CDC14B: variants seen among roughly 807,000 people sequenced by gnomAD.
CDC14B encodes dual specificity protein phosphatase CDC14B.
Under a neutral mutation model 64.2 loss-of-function variants are expected in CDC14B, and 22 were observed. That is an observed-to-expected ratio of 0.34 (90% CI 0.24 to 0.49). CDC14B has a LOEUF of 0.49. Among genes scored for constraint, CDC14B ranks in the 20% least tolerant of loss-of-function variants. CDC14B has a pLI of 0.99. For synonymous variants in CDC14B, 191 were observed against 215.8 expected (o/e 0.89, Z 1.01); for missense variants, 498 against 629.9 (o/e 0.79, Z 2.24).
At chr9:96,511,956 A>G (rs7856709) in intron 12 of CDC14B, among the ~76,000 whole-genome samples, 27,414 of 152,184 alleles carry the variant, frequency 0.18, 2,594 homozygotes, top group African/African-American at 0.23. Flanking sequence ...ACAAGTCTTT[A>G]TGCCCAAAAG....
chr9:96,499,123 A>C (rs1399776632), downstream of CDC14B, among the ~76,000 whole-genome samples: 2 of 152,340 alleles, frequency 1.3e-5, no homozygotes, highest in African/African-American at 4.8e-5. Context: ...AGGGGAAGCC[A>C]TGGAGGGGCA....
intron 4 of CDC14B, among the ~76,000 whole-genome samples, chr9:96,553,525 GTT>G: frequency 6.6e-6 from 1 of 151,680 alleles, no homozygotes; most frequent in Non-Finnish European, 1.5e-5. Context: ...CGCCTGGCTA[GTT>G]TTTTTGTATT....
intron 1 of CDC14B, among the ~76,000 whole-genome samples, chr9:96,569,493 T>G (rs979613926): frequency 6.6e-6 from 1 of 152,234 alleles, no homozygotes; most frequent in African/African-American, 2.4e-5. Context: ...GGGAAATCAC[T>G]GATTTCTGAT....
rs148450671 is a variant in CDC14B, at chr9:96,515,432, C to T, written c.1344-5643G>A. Among the ~76,000 whole-genome samples the T allele has an allele frequency of 7.9e-3, 1,207 of 152,288 alleles. 12 individuals are homozygous for T. Among genetic ancestry groups the T allele is most frequent in the South Asian group, 0.03 (143 of 4,826 alleles). On this transcript the variant is annotated intron_variant, in intron 12 of 13. Transcript: ENST00000375241. The surrounding 1 kb of genome is among the most constrained non-coding windows in gnomAD (Gnocchi z 4.3). ...AAGGATAAGCATAACTTTAAAACAA[C>T]GTATGTTACTTTCAATATCCTTTCT...
At chr9:96,583,094 G>A (rs985700750) in intron 1 of CDC14B, among the ~76,000 whole-genome samples, 1 of 152,002 alleles carries the variant, frequency 6.6e-6, no homozygotes, top group South Asian at 2.1e-4. Context: ...GCATACCTCT[G>A]GAAAATTTAT....
intron 1 of CDC14B, chr9:96,567,085 T>C: frequency 1.2e-6 from 1 of 865,970 alleles, no homozygotes. Flanking sequence ...TCCCCCCGCC[T>C]GGCCGCCCGC....
At chr9:96,598,618 A>C (rs1846238027) in intron 1 of CDC14B, among the ~76,000 whole-genome samples, 1 of 152,142 alleles carries the variant, frequency 6.6e-6, no homozygotes, top group African/African-American at 2.4e-5. Flanking sequence ...TATAGGTGTG[A>C]GCCACTGTGC....
intron 1 of CDC14B, among the ~76,000 whole-genome samples, chr9:96,612,378 C>T (rs568221693): frequency 2.0e-5 from 3 of 152,330 alleles, no homozygotes; most frequent in African/African-American, 7.2e-5. Context: ...TGCTGTCACG[C>T]GTGTGACACA....
intron 12 of CDC14B, among the ~76,000 whole-genome samples, chr9:96,517,298 T>TGC (rs1425357887): frequency 1.3e-5 from 2 of 150,158 alleles, no homozygotes; most frequent in East Asian, 2.1e-4. Flanking sequence ...GCCGAGATCA[T>TGC]GCCACTGCAC....
intron 12 of CDC14B, among the ~76,000 whole-genome samples, chr9:96,519,122 C>G (rs373310323): frequency 6.6e-6 from 1 of 151,604 alleles, no homozygotes; most frequent in African/African-American, 2.4e-5. Flanking sequence ...GGCGACAGGG[C>G]GATACTCTGT....
At chr9:96,579,769 T>C (rs1051348083) in intron 1 of CDC14B, among the ~76,000 whole-genome samples, 4 of 152,092 alleles carry the variant, frequency 2.6e-5, no homozygotes, top group Admixed American at 1.3e-4. Context: ...ACAAAATACA[T>C]TTCTGTTGTC....
intron 4 of CDC14B, among the ~76,000 whole-genome samples, chr9:96,557,643 G>GA (rs1214550657): frequency 6.6e-6 from 1 of 152,190 alleles, no homozygotes; most frequent in Admixed American, 6.5e-5. Context: ...TCTTCTCACA[G>GA]ATTGCTGAGT....
intron 12 of CDC14B, among the ~76,000 whole-genome samples, chr9:96,517,643 C>CAAAAAAAAAAAAAAAAAAAAAAAAAAA (rs1016405679): frequency 2.9e-5 from 1 of 34,638 alleles, no homozygotes; most frequent in African/African-American, 1.5e-4. Flanking sequence ...GACTCCGTCT[C>CAAAAAAAAAAAAAAAAAAAAAAAAAAA]AAAAAAAAAA....
intron 7 of CDC14B, among the ~76,000 whole-genome samples, chr9:96,537,686 A>G (rs1429302345): frequency 6.6e-6 from 1 of 152,196 alleles, no homozygotes; most frequent in Non-Finnish European, 1.5e-5. Context: ...CTAGAAGCCA[A>G]TCCTATTCCT....
chr9:96,616,992 T>C (rs1847672133), intron 1 of CDC14B, among the ~76,000 whole-genome samples: 2 of 152,052 alleles, frequency 1.3e-5, no homozygotes, highest in Non-Finnish European at 2.9e-5. Context: ...GCCAAGACTA[T>C]CACTGAGGGA....
intron 7 of CDC14B, among the ~76,000 whole-genome samples, chr9:96,536,284 A>G (rs1839252101): frequency 6.6e-6 from 1 of 152,162 alleles, no homozygotes; most frequent in Admixed American, 6.5e-5. Flanking sequence ...TCCAATCTCT[A>G]CAGTAGTAAC....
At chr9:96,616,635 A>G (rs1188504611) in intron 1 of CDC14B, among the ~76,000 whole-genome samples, 3 of 151,964 alleles carry the variant, frequency 2.0e-5, no homozygotes, top group Non-Finnish European at 4.4e-5. Flanking sequence ...GAGGCAGGAG[A>G]ATCCCTTGAA....
At chr9:96,542,020 G>T in intron 5 of CDC14B, 128 bp from the exon 6 acceptor site, 1 of 518,066 alleles carries the variant, frequency 1.9e-6, no homozygotes, top group Non-Finnish European at 3.4e-6. Flanking sequence ...AAAAAATCTC[G>T]CCTTTTGACT....
At chr9:96,533,132 A>G (rs959895483) in intron 9 of CDC14B, among the ~76,000 whole-genome samples, 12 of 152,036 alleles carry the variant, frequency 7.9e-5, no homozygotes, top group African/African-American at 2.9e-4. Context: ...ACACCCAGCT[A>G]ATTTTTTTGT....
Sources: gnomAD v4.1 joint callset for allele counts (sites outside exome capture counted in the v4.1 genomes callset) on GRCh38, gnomAD v4.1.1 for gene constraint, Gnocchi (gnomAD v3.1) non-coding constraint, MANE v1.5 for transcripts, NCBI Gene and HGNC (gene_info 2026-07-23, HGNC 2026-07-21) for gene names.